The following ITIH2 variants were observed in gnomAD, a reference collection of about 807,000 sequenced individuals.
ITIH2 encodes inter-alpha-trypsin inhibitor heavy chain H2.
ITIH2 carries 103 observed loss-of-function variants against 104.4 expected under a neutral mutation model. That is an observed-to-expected ratio of 0.99 (90% CI 0.84 to 1.16). ITIH2 has a LOEUF of 1.16. ITIH2 is among the 50% of genes most tolerant of loss of function. ITIH2 has a pLI of 0.00. For synonymous variants in ITIH2, 436 were observed against 435.4 expected, an observed-to-expected ratio of 1.00 and a Z score of -0.02; for missense variants, 1,108 against 1,162.4, an observed-to-expected ratio of 0.95 and a Z score of 0.68.
intron 3 of ITIH2, among the ~76,000 whole-genome samples, chr10:7,707,937 A>G (rs185703926): frequency 9.1e-4 from 139 of 152,332 alleles, no homozygotes; most frequent in African/African-American, 3.2e-3. Context: ...GAACTTTTAA[A>G]CACAAAACGG....
Position 7,731,822 on chromosome 10 carries a change from C to T in ITIH2, c.1473C>T (p.Asn491=). ...TCTGTGAATTGTAGAAATTCTACAA[C>T]CAGGTCTCCACTCCATTGCTCCGGA... ...DTSSQLKKFY[N]QVSTPLLRNV... The change falls in exon 13 of 21, where the codon AAC becomes AAT. Residue 491 remains asparagine, a synonymous_variant. Transcript: ENST00000358415. The T allele has an allele frequency of 1.9e-6, 3 of 1,600,698 alleles. No homozygotes were observed. Among genetic ancestry groups the T allele is most frequent in the Non-Finnish European group, 2.6e-6 (3 of 1,172,878 alleles).
chr10:7,705,634 G>A (rs1160848677), intron 2 of ITIH2, among the ~76,000 whole-genome samples: 8 of 149,768 alleles, frequency 5.3e-5, no homozygotes, highest in South Asian at 2.1e-4. Context: ...CCAAGAGTTC[G>A]AGGCTGCAGT....
At chr10:7,712,202 G>A (rs999066326) in intron 4 of ITIH2, among the ~76,000 whole-genome samples, 3 of 152,178 alleles carry the variant, frequency 2.0e-5, no homozygotes, top group Admixed American at 1.3e-4. Context: ...TAGTTCTGAA[G>A]GCCGGGAAGT....
chr10:7,713,771 GAT>G (rs1346491564), intron 5 of ITIH2, among the ~76,000 whole-genome samples: 3 of 152,090 alleles, frequency 2.0e-5, no homozygotes, highest in African/African-American at 7.2e-5. Context: ...GCAGTGGTTT[GAT>G]CACGGCTCAC....
At chr10:7,710,527 A>ATT (rs199704866) in intron 4 of ITIH2, among the ~76,000 whole-genome samples, 1 of 149,610 alleles carries the variant, frequency 6.7e-6, no homozygotes, top group African/African-American at 2.4e-5. Context: ...AAGTCTGGCT[A>ATT]TTTTTTTTTT....
chr10:7,723,464 A>G lies in ITIH2; in HGVS notation c.881A>G (p.Tyr294Cys), dbSNP rs773827459. Residue 294 changes from tyrosine (Y) to cysteine (C), a missense_variant, in exon 9 of 21, where the codon TAT becomes TGT. Coordinates refer to ENST00000358415, the MANE Select transcript of ITIH2 (RefSeq NM_002216.3). Reference sequence around the variant, plus strand: ...TCTATTTTTCAGGTGTTTAATGGATATTTTGTCCACTTCTTTGCTCCTGAC... The same window carrying G: ...TCTATTTTTCAGGTGTTTAATGGATGTTTTGTCCACTTCTTTGCTCCTGAC... ...KAGELEVFNG[Y>C]FVHFFAPDNL... 5.6e-6 allele frequency: 9 copies of G among 1,608,808 alleles called. No individual in the cohort carries two copies. Among genetic ancestry groups the G allele is most frequent in the Middle Eastern group, 1.7e-4 (1 of 6,046 alleles).
chr10:7,736,105 C>T (rs1414136608), intron 15 of ITIH2, among the ~76,000 whole-genome samples: 1 of 152,122 alleles, frequency 6.6e-6, no homozygotes, highest in Non-Finnish European at 1.5e-5. Flanking sequence ...GTGGCTCATG[C>T]CTATAATCCC....
intron 18 of ITIH2, 139 bp downstream of exon 18, chr10:7,744,419 C>A: frequency 2.6e-6 from 2 of 779,208 alleles, no homozygotes; most frequent in South Asian, 3.7e-5. Flanking sequence ...AAATTGTTCT[C>A]ACTCCCTACT....
At position 7,738,698 on chromosome 10, in the gene ITIH2, TC is replaced by T. The variant is rs1835095519; in HGVS notation, c.2037del (p.Met680CysfsTer9). 6.2e-7 allele frequency: 1 copy of T among 1,613,720 alleles called. No homozygotes were observed. Among genetic ancestry groups the T allele is most frequent in the Non-Finnish European group, 8.5e-7 (1 of 1,179,806 alleles). ...WANPSPTPVI[S>X]MLAQGSQVLE... ...CAATCCTTCACCAACGCCCGTGATC[TC>T]CATGCTGGCACAAGGATCTCAGGTG... On this transcript the variant is annotated frameshift_variant, in exon 16 of 21. Transcript: ENST00000358415. LOFTEE classifies it high-confidence loss of function.
chr10:7,746,855 T>C (rs1835182948), intron 20 of ITIH2, 151 bp downstream of exon 20: 1 of 575,426 alleles, frequency 1.7e-6, no homozygotes, highest in South Asian at 2.4e-5. Context: ...AGCATTCGCA[T>C]AAGGACACTT....
chr10:7,709,244 C>T lies in ITIH2; in HGVS notation c.362+53C>T. 8 of 1,499,100 alleles carry T rather than the reference C, an allele frequency of 5.3e-6. No homozygotes were observed. In the South Asian group the frequency reaches 9.0e-5, roughly 17 times the overall value. The allele number at this position is 1,499,100 out of a possible 1,614,324, so 92.9% of individuals were successfully genotyped here. ...ATTGTAGGTGCTCTACTCACAGAAT[C>T]AAAACCCCTCATAGTTAGAATGGAC... On this transcript the variant is annotated intron_variant, in intron 4 of 20. Coordinates refer to ENST00000358415, the MANE Select transcript of ITIH2 (RefSeq NM_002216.3).
Position 7,732,376 on chromosome 10 carries a change from G to A in ITIH2, c.1686G>A (p.Met562Ile), listed in dbSNP as rs1194356608. 1.2e-6 allele frequency: 2 copies of A among 1,613,916 alleles called. No homozygotes were observed. The highest frequency in any genetic ancestry group is 2.2e-5 in the East Asian group (1 of 44,892). Residue 562 changes from methionine (M) to isoleucine (I), a missense_variant, in exon 14 of 21, where the codon ATG becomes ATA. Physicochemically the swap from Met to Ile is conservative, Grantham distance 10. Transcript: ENST00000358415. ...TAGTCTTGGAGACCCTGGCCCAGATGGACGACTTGCAGGATTTTCTATCGA... is the reference window on the plus strand; with the variant it reads ...TAGTCTTGGAGACCCTGGCCCAGATAGACGACTTGCAGGATTTTCTATCGA... ...TQLVLETLAQ[M>I]DDLQDFLSKD...
At chr10:7,723,711 C>T (rs1834928213) in intron 9 of ITIH2, 144 bp downstream of exon 9, 1 of 634,954 alleles carries the variant, frequency 1.6e-6, no homozygotes. Context: ...GTCAACTCTT[C>T]CTAAAATTTT....
rs774965989 is a variant in ITIH2, at chr10:7,730,118, G to A, written c.1446G>A (p.Thr482=). The part of the protein sequence containing the change: ...IAQRIYGNQD[T]SSQLKKFYNQ... ...AAAGGATTTATGGAAACCAGGACAC[G>A]TCTTCCCAGCTTAAGGTAACATTTT... The change falls in exon 12 of 21, where the codon ACG becomes ACA. Residue 482 remains threonine (T), a synonymous_variant. Coordinates refer to ENST00000358415, the MANE Select transcript of ITIH2 (RefSeq NM_002216.3). 78 of 1,598,294 alleles carry A rather than the reference G, an allele frequency of 4.9e-5. No individual in the cohort carries two copies. The highest frequency in any genetic ancestry group is 1.7e-4 in the Middle Eastern group (1 of 6,014).
At position 7,709,194 on chromosome 10, in the gene ITIH2, G is replaced by T. The variant is rs188537478; in HGVS notation, c.362+3G>T. The T allele has an allele frequency of 1.2e-6, 2 of 1,613,658 alleles. No individual in the cohort carries two copies. The highest frequency in any genetic ancestry group is 1.7e-6 in the Non-Finnish European group (2 of 1,179,744). The stretch of plus-strand genomic sequence containing the variant: ...GCATTCATTTCCAACTTCTCCATGT[G>T]AGTAACTTCTGTGTAGAGCCAGAAA... On this transcript the variant is annotated splice_donor_region_variant and intron_variant, in intron 4 of 20. Coordinates refer to ENST00000358415, the MANE Select transcript of ITIH2 (RefSeq NM_002216.3).
At chr10:7,719,648 C>A (rs1156668160) in intron 6 of ITIH2, among the ~76,000 whole-genome samples, 1 of 150,578 alleles carries the variant, frequency 6.6e-6, no homozygotes, top group African/African-American at 2.4e-5. Context: ...GTAGTCCCAC[C>A]CACTTGGGAG....
At chr10:7,713,808 A>G (rs1834820568) in intron 5 of ITIH2, among the ~76,000 whole-genome samples, 1 of 151,830 alleles carries the variant, frequency 6.6e-6, no homozygotes, top group African/African-American at 2.4e-5. Flanking sequence ...CCTGGCCCCA[A>G]GCGGGAATGC....
rs760057995 is a variant in ITIH2, at chr10:7,744,924, C to G, written c.2542C>G (p.Pro848Ala). The G allele has an allele frequency of 1.2e-5, 19 of 1,613,990 alleles. No homozygotes were observed. Among genetic ancestry groups the G allele is most frequent in the East Asian group, 4.5e-5 (2 of 44,896 alleles). Reference sequence around the variant, plus strand: ...TGACTTTCTGGGAATCTACATACCCCCTACAAACAAGTTCTCACCTAAAGC... The same window carrying G: ...TGACTTTCTGGGAATCTACATACCCGCTACAAACAAGTTCTCACCTAAAGC... Reference protein sequence around the residue: ...NVDFLGIYIPPTNKFSPKAHG... With the variant: ...NVDFLGIYIPATNKFSPKAHG... Residue 848 changes from proline (P) to alanine (A), a missense_variant, in exon 19 of 21, where the codon CCT (proline) becomes GCT (alanine). Transcript: ENST00000358415.
intron 6 of ITIH2, among the ~76,000 whole-genome samples, chr10:7,719,102 G>A (rs1834877528): frequency 6.6e-6 from 1 of 152,170 alleles, no homozygotes; most frequent in South Asian, 2.1e-4. Flanking sequence ...AAGCAGACAG[G>A]TTGTGAATTG....
Sources: gnomAD v4.1 joint callset for allele counts (sites outside exome capture counted in the v4.1 genomes callset) on GRCh38, gnomAD v4.1.1 for gene constraint, MANE v1.5 for transcripts, NCBI Gene and HGNC (gene_info 2026-07-23, HGNC 2026-07-21) for gene names.